Variants in KCTD9 observed in about 807,000 individuals in gnomAD.
The protein encoded by KCTD9 is potassium channel tetramerization domain containing 9.
In KCTD9, 17 loss-of-function variants were observed where a neutral mutation model predicts 53.3. That is an observed-to-expected ratio of 0.32 (90% CI 0.22 to 0.48). The LOEUF (loss-of-function observed/expected upper bound fraction) is 0.48. KCTD9 is among the 20% of genes least tolerant of loss of function. KCTD9 has a pLI of 0.99. For synonymous variants in KCTD9, 128 were observed against 162.7 expected, an observed-to-expected ratio of 0.79 and a Z score of 1.62; for missense variants, 179 against 465.5, an observed-to-expected ratio of 0.38 and a Z score of 5.66.
At chr8:25,449,120 CAG>C (rs918512802) in intron 1 of KCTD9, among the ~76,000 whole-genome samples, 1 of 152,132 alleles carries the variant, frequency 6.6e-6, no homozygotes, top group African/African-American at 2.4e-5. Context: ...AGAGTAAAGA[CAG>C]AGAAGAGAGA....
At chr8:25,452,664 C>G (rs1317277642) in intron 1 of KCTD9, among the ~76,000 whole-genome samples, 1 of 152,216 alleles carries the variant, frequency 6.6e-6, no homozygotes, top group Non-Finnish European at 1.5e-5. Flanking sequence ...AAAATGCTTG[C>G]TGCTGTGTGC....
At chr8:25,430,844 AT>A (rs1179285890) in intron 11 of KCTD9, among the ~76,000 whole-genome samples, 1 of 124,924 alleles carries the variant, frequency 8.0e-6, no homozygotes, top group Admixed American at 7.8e-5. Context: ...CACACACACA[AT>A]TTTTTTTTTG....
intron 1 of KCTD9, among the ~76,000 whole-genome samples, chr8:25,449,043 C>T (rs533067036): frequency 7.2e-5 from 11 of 152,102 alleles, no homozygotes; most frequent in South Asian, 6.2e-4. Context: ...CAAAGCGAAG[C>T]GAAATACAGT....
chr8:25,437,520 T>A, intron 6 of KCTD9, among the ~76,000 whole-genome samples: 1 of 151,592 alleles, frequency 6.6e-6, no homozygotes, highest in East Asian at 1.9e-4. Context: ...CTACTAAAAA[T>A]ACAAAAAATT....
chr8:25,444,117 T>C (rs544302259), intron 3 of KCTD9, among the ~76,000 whole-genome samples, 175 bp downstream of exon 3: 148 of 152,264 alleles, frequency 9.7e-4, no homozygotes, highest in African/African-American at 3.2e-3. Flanking sequence ...ACTACGATCA[T>C]ATAGTAAAAA....
Position 25,436,275 on chromosome 8 carries a change from A to G in KCTD9, c.623T>C (p.Phe208Ser). Reference protein sequence around the residue: ...SPISRKEFVRFLLATPTKSEL... With the variant: ...SPISRKEFVRSLLATPTKSEL... ...TGACTTGGTTGGAGTTGCTAGCAAAAATCGGACAAATTCCTTTCGGGATAT... is the reference window on the plus strand; with the variant it reads ...TGACTTGGTTGGAGTTGCTAGCAAAGATCGGACAAATTCCTTTCGGGATAT... Residue 208 changes from phenylalanine (F) to serine (S), a missense_variant, in exon 8 of 12, where the codon TTT becomes TCT. Coordinates refer to ENST00000221200, the MANE Select transcript of KCTD9 (RefSeq NM_017634.4). The G allele has an allele frequency of 6.2e-7, 1 of 1,612,172 alleles. No homozygotes were observed. Among genetic ancestry groups the G allele is most frequent in the Non-Finnish European group, 8.5e-7 (1 of 1,179,594 alleles).
At chr8:25,433,550 T>C (rs1801965686) in intron 9 of KCTD9, 115 bp from the exon 10 acceptor site, 2 of 454,192 alleles carry the variant, frequency 4.4e-6, no homozygotes, top group East Asian at 3.4e-5. Context: ...AAAACACTCA[T>C]ACTCAATTTT....
chr8:25,444,403 T>G, intron 2 of KCTD9, 68 bp from the exon 3 acceptor site: 1 of 1,407,868 alleles, frequency 7.1e-7, no homozygotes. Context: ...CTGTTGCTTA[T>G]AGGAACTATT....
chr8:25,428,754 T>A lies in KCTD9; in HGVS notation c.*1103A>T, dbSNP rs1381968522. The A allele has an allele frequency of 6.6e-6, 1 of 152,202 alleles. No homozygotes were observed. The highest frequency in any genetic ancestry group is 1.5e-5 in the Non-Finnish European group (1 of 68,034). The allele number at this position is 152,202 out of a possible 1,614,324, so 9.4% of individuals were successfully genotyped here. A position where few individuals can be genotyped will look rare whatever the true frequency, so the allele number is the denominator to read the frequency against. On this transcript the variant is annotated 3_prime_UTR_variant, in exon 12 of 12. Transcript: ENST00000221200. ...AGCCAAATGCCTTTATTTTTACGTC[T>A]ATTTTTTTGGTGGCTGTAATCAAAT...
At chr8:25,444,203 T>G (rs1308214522) in intron 3 of KCTD9, 89 bp downstream of exon 3, 40 of 1,049,978 alleles carry the variant, frequency 3.8e-5, no homozygotes, top group Non-Finnish European at 5.4e-5. Context: ...TTTTTAATGT[T>G]TAAGCTTAAT....
intron 6 of KCTD9, among the ~76,000 whole-genome samples, chr8:25,437,747 T>C (rs1238654166): frequency 6.8e-6 from 1 of 147,116 alleles, no homozygotes; most frequent in African/African-American, 2.5e-5. Context: ...ACTTGGGAAG[T>C]TGAGGCAGGA....
At chr8:25,453,064 T>A (rs1802359193) in intron 1 of KCTD9, among the ~76,000 whole-genome samples, 2 of 152,166 alleles carry the variant, frequency 1.3e-5, no homozygotes, top group Non-Finnish European at 1.5e-5. Context: ...GCTGATTTTT[T>A]AAAAATGTAA....
At position 25,428,319 on chromosome 8, in the gene KCTD9, G is replaced by C. The variant is rs967314026; in HGVS notation, c.*1538C>G. 3.3e-5 allele frequency: 5 copies of C among 152,598 alleles called. No individual in the cohort carries two copies. Among genetic ancestry groups the C allele is most frequent in the Admixed American group, 3.3e-4 (5 of 15,266 alleles). The allele number at this position is 152,598 out of a possible 1,614,324, so 9.5% of individuals were successfully genotyped here. A position where few individuals can be genotyped will look rare whatever the true frequency, so the allele number is the denominator to read the frequency against. On this transcript the variant is annotated 3_prime_UTR_variant, in exon 12 of 12. Transcript: ENST00000221200. ...AAAGCAAAGAAAATAATTCATTTCT[G>C]AAGTTGCTTTCCTTCACTTGTAAAG...
intron 3 of KCTD9, among the ~76,000 whole-genome samples, chr8:25,443,004 T>C (rs1278460204): frequency 2.0e-5 from 3 of 152,148 alleles, no homozygotes; most frequent in Non-Finnish European, 4.4e-5. Flanking sequence ...AGTAAAAACC[T>C]TATAATCCTT....
rs770487778 is a variant in KCTD9, at chr8:25,436,410, A to C, written c.567+8T>G. The C allele has an allele frequency of 6.2e-7, 1 of 1,610,336 alleles. No individual in the cohort carries two copies. Among genetic ancestry groups the C allele is most frequent in the Non-Finnish European group, 8.5e-7 (1 of 1,178,182 alleles). On this transcript the variant is annotated splice_region_variant and intron_variant, in intron 7 of 11. Transcript: ENST00000221200. ...ATGTAACACTGGCTAATGTAAAAAC[A>C]GGCTTACCTTTATTGCCACTTCTAG...
chr8:25,453,592 G>A (rs1802374731), intron 1 of KCTD9, among the ~76,000 whole-genome samples: 1 of 149,328 alleles, frequency 6.7e-6, no homozygotes, highest in Non-Finnish European at 1.5e-5. Context: ...GGCGGAGGTT[G>A]TATTGAGCCA....
intron 1 of KCTD9, among the ~76,000 whole-genome samples, chr8:25,450,784 C>T (rs1802305618): frequency 1.3e-5 from 2 of 152,180 alleles, no homozygotes; most frequent in African/African-American, 4.8e-5. Context: ...AGCCACCACA[C>T]CCTGCTAAGT....
At chr8:25,441,981 G>A (rs910718346) in intron 3 of KCTD9, among the ~76,000 whole-genome samples, 2 of 152,100 alleles carry the variant, frequency 1.3e-5, no homozygotes, top group African/African-American at 4.8e-5. Flanking sequence ...TACAGCCTGA[G>A]TGATGAAGTG....
At chr8:25,447,238 CA>C (rs1316977214) in intron 1 of KCTD9, among the ~76,000 whole-genome samples, 15 of 152,022 alleles carry the variant, frequency 9.9e-5, no homozygotes, top group Non-Finnish European at 2.1e-4. Context: ...TACTAAAATA[CA>C]AAAATCAGCC....
Sources: gnomAD v4.1 joint callset for allele counts (sites outside exome capture counted in the v4.1 genomes callset) on GRCh38, gnomAD v4.1.1 for gene constraint, MANE v1.5 for transcripts, NCBI Gene and HGNC (gene_info 2026-07-23, HGNC 2026-07-21) for gene names.